The following DPP6 variants were observed in gnomAD, a reference collection of about 807,000 sequenced individuals.
The protein encoded by DPP6 is A-type potassium channel modulatory protein DPP6.
A neutral mutation model predicts 122.6 loss-of-function variants in DPP6; 69 were observed. That is an observed-to-expected ratio of 0.56 (90% CI 0.46 to 0.69). The LOEUF is 0.69. Ranked by LOEUF, DPP6 falls within the 30% of genes least tolerant of loss-of-function variation. DPP6 has a pLI of 0.00. For missense variants in DPP6, 928 were observed against 1,116.9 expected, an observed-to-expected ratio of 0.83 and a Z score of 2.41; for synonymous variants, 418 against 433.1, an observed-to-expected ratio of 0.97 and a Z score of 0.43.
chr7:154,805,167 T>A (rs1158871942), intron 15 of DPP6, among the ~76,000 whole-genome samples: 1 of 152,222 alleles, frequency 6.6e-6, no homozygotes, highest in Non-Finnish European at 1.5e-5. Flanking sequence ...TGAAGCTTTA[T>A]TTTTCTGCTG....
chr7:154,207,065 G>C (rs140994754), intron 1 of DPP6, among the ~76,000 whole-genome samples: 4 of 152,284 alleles, frequency 2.6e-5, no homozygotes, highest in Non-Finnish European at 5.9e-5. Flanking sequence ...GGGCCTTTGC[G>C]TATCCAGATT....
At chr7:153,791,075 CT>C in the DPP6 span, among the ~76,000 whole-genome samples, 1 of 152,190 alleles carries the variant, frequency 6.6e-6, no homozygotes, top group Non-Finnish European at 1.5e-5. Flanking sequence ...TTTTATTCAT[CT>C]TTGTGCCAAG....
At chr7:154,401,869 A>G (rs1267972643) in intron 1 of DPP6, among the ~76,000 whole-genome samples, 1 of 152,226 alleles carries the variant, frequency 6.6e-6, no homozygotes, top group African/African-American at 2.4e-5. Context: ...GCTAATATCC[A>G]GAATCTACAA....
intron 4 of DPP6, among the ~76,000 whole-genome samples, chr7:154,547,379 C>T (rs1209912835): frequency 2.6e-5 from 4 of 152,200 alleles, no homozygotes; most frequent in African/African-American, 4.8e-5. Flanking sequence ...TACAAACTAA[C>T]CCAGATTTCT....
chr7:153,924,560 C>T (rs1800800421), intron 1 of DPP6, among the ~76,000 whole-genome samples: 1 of 152,214 alleles, frequency 6.6e-6, no homozygotes. Context: ...TAACTCTCCC[C>T]TTTTCTAGAG....
intron 1 of DPP6, among the ~76,000 whole-genome samples, chr7:154,358,182 A>G (rs1811432327): frequency 6.6e-6 from 1 of 152,106 alleles, no homozygotes; most frequent in South Asian, 2.1e-4. Flanking sequence ...TGTCAGCTCA[A>G]CCATAGTTAT....
In DPP6 at chr7:154,543,828, T is replaced by G. The variant is rs556927482; in HGVS notation, c.552+3202T>G. On this transcript the variant is annotated intron_variant, in intron 4 of 25. Coordinates refer to ENST00000377770, the MANE Select transcript of DPP6 (RefSeq NM_130797.4). ...GGCCAATGTGGTGAAACCCCATCTCTACTAAAAATTAAAAAGTTAGCCGAG... is the reference window on the plus strand; with the variant it reads ...GGCCAATGTGGTGAAACCCCATCTCGACTAAAAATTAAAAAGTTAGCCGAG... Among the ~76,000 whole-genome samples, 31 of 151,924 alleles carry G rather than the reference T, an allele frequency of 2.0e-4. No homozygotes were observed. In the East Asian group the frequency reaches 6.0e-3, roughly 30 times the overall value.
At chr7:154,641,398 A>G (rs1836080578) in intron 6 of DPP6, among the ~76,000 whole-genome samples, 1 of 152,232 alleles carries the variant, frequency 6.6e-6, no homozygotes, top group African/African-American at 2.4e-5. Context: ...GCATTTCACT[A>G]GAAGTTTTTA....
Position 154,368,986 on chromosome 7 carries a change from G to T in DPP6, c.244-77228G>T, listed in dbSNP as rs115192373. Among the ~76,000 whole-genome samples, 934 of 152,288 alleles carry T rather than the reference G, an allele frequency of 6.1e-3. 17 individuals are homozygous for T. Among genetic ancestry groups the T allele is most frequent in the African/African-American group, 0.021 (889 of 41,568 alleles). ...TACCTGGCCAGCCAGGTATGAAGGT[G>T]GACCATGACCTCCCTGTCTCAGCTC... On this transcript the variant is annotated intron_variant, in intron 1 of 25. Coordinates refer to ENST00000377770, the MANE Select transcript of DPP6 (RefSeq NM_130797.4).
At chr7:153,846,685 T>C in the DPP6 span, among the ~76,000 whole-genome samples, 14 of 128,908 alleles carry the variant, frequency 1.1e-4, 1 homozygote, top group Admixed American at 1.1e-3. Context: ...GGTGGCTTGG[T>C]TCTTTTTTTT....
rs535615335 is a variant in DPP6 at position 154,864,919 on chromosome 7, G to A, written c.1715-3076G>A. 2.0e-5 allele frequency among the ~76,000 whole-genome samples: 3 copies of A among 152,346 alleles called. No individual in the cohort carries two copies. In the South Asian group the frequency reaches 6.2e-4, roughly 32 times the overall value. On this transcript the variant is annotated intron_variant, in intron 17 of 25. Transcript: ENST00000377770. ...CCTGTGTTCCGTTAGCTCTAGGCAA[G>A]CTTAACTCAGTAGGCAGCAGAGAAC... is the stretch of plus-strand genomic sequence containing the variant.
In DPP6 at chr7:154,002,586, AG is replaced by A. The variant is rs1488680820; in HGVS notation, c.51+114853del. 2.0e-5 allele frequency among the ~76,000 whole-genome samples: 3 copies of A among 152,154 alleles called. No individual in the cohort carries two copies. In the South Asian group the frequency reaches 6.2e-4, roughly 31 times the overall value. Reference sequence around the variant, plus strand: ...TGGTGGCTTATTTTTCAGTGAGTGCAGATAGGAGATGGAATATGGGTGGATC... The same window carrying A: ...TGGTGGCTTATTTTTCAGTGAGTGCAATAGGAGATGGAATATGGGTGGATC... On this transcript the variant is annotated intron_variant, in intron 1 of 25. Transcript: ENST00000404039.
At chr7:153,848,773 T>G in the DPP6 span, among the ~76,000 whole-genome samples, 2 of 152,350 alleles carry the variant, frequency 1.3e-5, no homozygotes, top group South Asian at 2.1e-4. Context: ...TATCAATCCT[T>G]TAAGGTTTAA....
intron 16 of DPP6, among the ~76,000 whole-genome samples, chr7:154,837,849 T>G (rs141941474): frequency 2.0e-5 from 3 of 152,330 alleles, no homozygotes; most frequent in Admixed American, 6.5e-5. Flanking sequence ...TTGGTGAGGT[T>G]TTCTAGAACA....
intron 8 of DPP6, among the ~76,000 whole-genome samples, chr7:154,759,541 C>G (rs1795393743): frequency 6.6e-6 from 1 of 152,248 alleles, no homozygotes; most frequent in African/African-American, 2.4e-5. Flanking sequence ...TTCCCTCTCC[C>G]TGAGCCTTAT....
intron 5 of DPP6, among the ~76,000 whole-genome samples, chr7:154,598,695 T>C (rs1265922231): frequency 6.6e-6 from 1 of 152,220 alleles, no homozygotes; most frequent in African/African-American, 2.4e-5. Flanking sequence ...AGTGCCTCCT[T>C]GTTTATGTTC....
chr7:154,740,847 G>A (rs1842785929), intron 8 of DPP6, among the ~76,000 whole-genome samples: 1 of 152,058 alleles, frequency 6.6e-6, no homozygotes, highest in Non-Finnish European at 1.5e-5. Context: ...AGATGATTCT[G>A]ATAAACCTTC....
chr7:153,972,894 C>T (rs1162715238), intron 1 of DPP6, among the ~76,000 whole-genome samples: 2 of 151,712 alleles, frequency 1.3e-5, no homozygotes, highest in Non-Finnish European at 2.9e-5. Flanking sequence ...AAATAGACCA[C>T]GTGAAGACAT....
chr7:154,184,808 T>A (rs149469604), intron 1 of DPP6, among the ~76,000 whole-genome samples: 5 of 152,296 alleles, frequency 3.3e-5, no homozygotes, highest in Non-Finnish European at 7.3e-5. Flanking sequence ...GTTGGGAATC[T>A]AATTTTAACT....
Sources: gnomAD v4.1 joint callset for allele counts (sites outside exome capture counted in the v4.1 genomes callset) on GRCh38, gnomAD v4.1.1 for gene constraint, MANE v1.5 for transcripts, NCBI Gene and HGNC (gene_info 2026-07-23, HGNC 2026-07-21) for gene names.